Variants in SORBS2 observed in about 807,000 individuals in gnomAD.
SORBS2 encodes sorbin and SH3 domain-containing protein 2.
Under a neutral mutation model 97.7 loss-of-function variants are expected in SORBS2, and 46 were observed. The ratio of observed to expected loss-of-function variants is 0.47; its 90% CI spans 0.37 to 0.60. SORBS2 has a LOEUF of 0.60. Among genes scored for constraint, SORBS2 ranks in the 20% least tolerant of loss-of-function variants. SORBS2 has a pLI of 0.00. For synonymous variants in SORBS2, 476 were observed against 473.4 expected (o/e 1.01, Z -0.07); for missense variants, 1,316 against 1,282.3 (o/e 1.03, Z -0.40).
intron 1 of SORBS2, among the ~76,000 whole-genome samples, chr4:185,900,872 C>A (rs1297494682): frequency 6.6e-6 from 1 of 152,148 alleles, no homozygotes; most frequent in Non-Finnish European, 1.5e-5. Context: ...TGCTTTTAAT[C>A]TACAGCCCAA....
chr4:185,835,652 ATTTTTTTT>A (rs5864964), intron 1 of SORBS2, among the ~76,000 whole-genome samples: 1 of 122,232 alleles, frequency 8.2e-6, no homozygotes, highest in African/African-American at 3.0e-5. Context: ...TTTTGAAAGG[ATTTTTTTT>A]TTTTTTTTTT....
At chr4:185,643,965 T>C (rs144935864) in intron 4 of SORBS2, among the ~76,000 whole-genome samples, 2 of 152,286 alleles carry the variant, frequency 1.3e-5, no homozygotes, top group East Asian at 3.9e-4. Flanking sequence ...ACTATATCAG[T>C]ACGCGGCCAG....
At chr4:185,770,955 C>G (rs1259996880) in intron 2 of SORBS2, 1 of 146,896 alleles carries the variant, frequency 6.8e-6, no homozygotes, top group Non-Finnish European at 1.5e-5. Flanking sequence ...TAATCCTTTC[C>G]CTGGCATTTT....
rs1214536713 is a variant in SORBS2, at chr4:185,816,508, AGGACATTG to A, written c.-337-41150_-337-41143del. ...ACAATGACGTGAACAATGTCAAAAT[AGGACATTG>A]ATGGGAAATGTGACAACTGACTTAG... is the stretch of plus-strand genomic sequence containing the variant. On this transcript the variant is annotated intron_variant, in intron 1 of 20. Transcript: ENST00000284776. Among the ~76,000 whole-genome samples the A allele has an allele frequency of 3.9e-5, 6 of 152,246 alleles. No homozygotes were observed. The East Asian group carries it at 1.2e-3, about 29-fold the overall frequency.
intron 1 of SORBS2, among the ~76,000 whole-genome samples, chr4:185,908,935 T>C (rs1392002618): frequency 6.6e-6 from 1 of 151,430 alleles, no homozygotes; most frequent in Non-Finnish European, 1.5e-5. Context: ...TATATAAAAA[T>C]AAATTTTGTA....
chr4:185,755,558 G>T (rs1584221304), intron 2 of SORBS2, among the ~76,000 whole-genome samples: 2 of 152,158 alleles, frequency 1.3e-5, no homozygotes, highest in Admixed American at 1.3e-4. Flanking sequence ...CCTGAATCCT[G>T]CCAGCCACAT....
chr4:185,614,524 C>A, intron 11 of SORBS2: 1 of 278,612 alleles, frequency 3.6e-6, no homozygotes, highest in East Asian at 7.6e-5. Context: ...GTGTATCAAA[C>A]TGCTTTTTCC....
At chr4:185,798,409 G>T (rs1002499771) in intron 1 of SORBS2, among the ~76,000 whole-genome samples, 5 of 152,056 alleles carry the variant, frequency 3.3e-5, no homozygotes, top group South Asian at 4.1e-4. Context: ...TGACATTTAG[G>T]CCAGTCAAAT....
At chr4:185,891,519 AC>A (rs1241001859) in intron 1 of SORBS2, among the ~76,000 whole-genome samples, 8 of 152,238 alleles carry the variant, frequency 5.3e-5, no homozygotes, top group African/African-American at 1.9e-4. Context: ...GCAGATAGCA[AC>A]ACTATTGTGT....
At chr4:185,621,051 T>C (rs1483182602) in intron 7 of SORBS2, among the ~76,000 whole-genome samples, 3 of 152,256 alleles carry the variant, frequency 2.0e-5, no homozygotes, top group Non-Finnish European at 4.4e-5. Context: ...GTCTATGTTA[T>C]AGAATTTTAT....
chr4:185,639,062 G>A (rs1168872566), intron 4 of SORBS2, 27 bp from the exon 14 acceptor site: 2 of 1,498,798 alleles, frequency 1.3e-6, no homozygotes, highest in Non-Finnish European at 1.8e-6. Context: ...TGCAGAAACT[G>A]GTTCATTAGA....
chr4:185,631,871 G>C (rs964005295), intron 4 of SORBS2, among the ~76,000 whole-genome samples: 2 of 152,194 alleles, frequency 1.3e-5, no homozygotes, highest in Non-Finnish European at 2.9e-5. Context: ...TTTTGCCTTT[G>C]GTCATATTTG....
chr4:185,761,413 T>C (rs753192018), intron 2 of SORBS2: 3 of 152,278 alleles, frequency 2.0e-5, no homozygotes, highest in Non-Finnish European at 4.4e-5. Context: ...TATGCTACTA[T>C]AGATAGCTCT....
At chr4:185,901,691 T>A (rs1400274090) in intron 1 of SORBS2, among the ~76,000 whole-genome samples, 2 of 152,220 alleles carry the variant, frequency 1.3e-5, no homozygotes. Flanking sequence ...TAAATTTATA[T>A]TTGCTAAATT....
intron 1 of SORBS2, among the ~76,000 whole-genome samples, chr4:185,954,755 C>A (rs1033030914): frequency 9.9e-5 from 15 of 151,948 alleles, no homozygotes; most frequent in Non-Finnish European, 2.1e-4. Flanking sequence ...GTCAGGAGTT[C>A]GAGACAAGAC....
chr4:185,656,759 A>C (rs1253803635), exon 1 of SORBS2: 1 of 1,524,400 alleles, frequency 6.6e-7, no homozygotes, highest in African/African-American at 1.4e-5. Flanking sequence ...GTTTTGCCGG[A>C]AGGGGCTGCC....
chr4:185,878,023 T>C (rs746680146), intron 1 of SORBS2, among the ~76,000 whole-genome samples: 3 of 152,002 alleles, frequency 2.0e-5, no homozygotes, highest in African/African-American at 7.2e-5. Context: ...GGCAGAAACA[T>C]GTTCCACGGC....
chr4:185,945,984 T>C (rs1384748398), intron 1 of SORBS2, among the ~76,000 whole-genome samples: 1 of 152,240 alleles, frequency 6.6e-6, no homozygotes, highest in African/African-American at 2.4e-5. Flanking sequence ...TGTTGACAGA[T>C]GGTCAAGACT....
chr4:185,862,300 T>C (rs2099224280), intron 1 of SORBS2, among the ~76,000 whole-genome samples: 1 of 152,210 alleles, frequency 6.6e-6, no homozygotes, highest in Admixed American at 6.5e-5. Context: ...TGCAGGGCCT[T>C]GAGCCTTGTA....
Sources: gnomAD v4.1 joint callset for allele counts (sites outside exome capture counted in the v4.1 genomes callset) on GRCh38, gnomAD v4.1.1 for gene constraint, MANE v1.5 for transcripts, NCBI Gene and HGNC (gene_info 2026-07-23, HGNC 2026-07-21) for gene names.